Variants in LYPD6 observed in about 807,000 individuals in gnomAD.
The protein encoded by LYPD6 is ly6/PLAUR domain-containing protein 6.
A neutral mutation model predicts 22.7 loss-of-function variants in LYPD6; 15 were observed. The ratio of observed to expected loss-of-function variants is 0.66; its 90% confidence interval spans 0.44 to 1.02. LYPD6 has a LOEUF of 1.02. Among genes scored for constraint, LYPD6 ranks in the 50% least tolerant of loss-of-function variants. LYPD6 has a pLI of 0.00. For missense variants in LYPD6, 189 were observed against 208.4 expected (o/e 0.91, Z 0.57); for synonymous variants, 72 against 77.5 (o/e 0.93, Z 0.37).
intron 2 of LYPD6, 60 bp from the exon 3 acceptor site, chr2:149,448,989 C>G: frequency 5.5e-6 from 7 of 1,277,700 alleles, no homozygotes; most frequent in Non-Finnish European, 7.7e-6. Context: ...AATGTCTTAA[C>G]TTCACAGGAT....
chr2:149,399,048 C>T (rs6738416), intron 1 of LYPD6, among the ~76,000 whole-genome samples: 29,624 of 151,540 alleles, frequency 0.2, 2,906 homozygotes, highest in Middle Eastern at 0.22. Context: ...AATGATATAT[C>T]ATGTATATAT....
At chr2:149,405,412 G>T (rs1011147921) in intron 1 of LYPD6, among the ~76,000 whole-genome samples, 3 of 152,234 alleles carry the variant, frequency 2.0e-5, no homozygotes, top group South Asian at 2.1e-4. Context: ...CAATTTCAGA[G>T]CCTGTTATTG....
intron 1 of LYPD6, among the ~76,000 whole-genome samples, chr2:149,428,409 T>C (rs1405480495): frequency 2.0e-5 from 3 of 152,098 alleles, no homozygotes; most frequent in Non-Finnish European, 2.9e-5. Context: ...TTGAACACAG[T>C]TGGGGCTTTT....
chr2:149,366,769 C>CTAA (rs1681677674), intron 1 of LYPD6, among the ~76,000 whole-genome samples: 1 of 152,136 alleles, frequency 6.6e-6, no homozygotes, highest in African/African-American at 2.4e-5. Context: ...ACCATGAATG[C>CTAA]TAACACACAT....
At chr2:149,403,916 G>A (rs1682626176) in intron 1 of LYPD6, among the ~76,000 whole-genome samples, 1 of 152,158 alleles carries the variant, frequency 6.6e-6, no homozygotes, top group African/African-American at 2.4e-5. Context: ...TGTATAAAGT[G>A]TAAGGAAGGG....
chr2:149,352,921 TAAAAG>T (rs750876790), intron 1 of LYPD6, among the ~76,000 whole-genome samples: 2 of 152,196 alleles, frequency 1.3e-5, no homozygotes, highest in Non-Finnish European at 2.9e-5. Context: ...GGTTGGGCCT[TAAAAG>T]AAAACGCTTG....
intron 1 of LYPD6, among the ~76,000 whole-genome samples, chr2:149,421,259 G>T (rs548488309): frequency 2.0e-5 from 3 of 151,840 alleles, no homozygotes; most frequent in Admixed American, 2.0e-4. Context: ...GCCTGGTGGC[G>T]CATGCCTGTA....
In LYPD6 at chr2:149,335,802, A is replaced by G. The variant is rs115396968; in HGVS notation, c.-72+5080A>G. Among the ~76,000 whole-genome samples, 890 of 152,204 alleles carry G rather than the reference A, an allele frequency of 5.8e-3. 14 individuals are homozygous for G. Among genetic ancestry groups the G allele is most frequent in the African/African-American group, 0.02 (824 of 41,508 alleles). On this transcript the variant is annotated intron_variant, in intron 1 of 4. Transcript: ENST00000334166. ...ATGTTTAGATACACACATACTTACT[A>G]TTGTGTTACAGTTGCCTGTAGTATT...
chr2:149,362,542 C>A (rs976595651), intron 1 of LYPD6, among the ~76,000 whole-genome samples: 3 of 152,126 alleles, frequency 2.0e-5, no homozygotes, highest in Non-Finnish European at 4.4e-5. Flanking sequence ...TGTGCTGCTA[C>A]AACAGAATGG....
At chr2:149,439,585 C>T (rs1374474998) in intron 2 of LYPD6, among the ~76,000 whole-genome samples, 1 of 152,176 alleles carries the variant, frequency 6.6e-6, no homozygotes, top group Non-Finnish European at 1.5e-5. Context: ...ATTGTACACA[C>T]AGAGTGGGAA....
chr2:149,448,912 CAT>C, intron 2 of LYPD6, 135 bp from the exon 3 acceptor site: 1 of 625,940 alleles, frequency 1.6e-6, no homozygotes, highest in Non-Finnish European at 2.8e-6. Flanking sequence ...GTTGCTGGGT[CAT>C]ATGGTAGTTG....
At chr2:149,447,857 T>G (rs1466475812) in intron 2 of LYPD6, among the ~76,000 whole-genome samples, 4 of 152,324 alleles carry the variant, frequency 2.6e-5, no homozygotes, top group African/African-American at 9.6e-5. Context: ...TACATGATGC[T>G]GAGTGTGGTA....
intron 1 of LYPD6, among the ~76,000 whole-genome samples, chr2:149,377,487 A>G (rs1681951110): frequency 6.6e-6 from 1 of 152,208 alleles, no homozygotes; most frequent in South Asian, 2.1e-4. Context: ...TGTGAGCATA[A>G]AAAAGCAAAG....
intron 1 of LYPD6, among the ~76,000 whole-genome samples, chr2:149,336,839 A>G (rs1351799710): frequency 2.0e-5 from 3 of 151,902 alleles, no homozygotes; most frequent in Non-Finnish European, 2.9e-5. Flanking sequence ...TATTATTTCT[A>G]TGTCTTCTGA....
At chr2:149,353,130 A>G (rs187877582) in intron 1 of LYPD6, among the ~76,000 whole-genome samples, 1 of 152,342 alleles carries the variant, frequency 6.6e-6, no homozygotes, top group African/African-American at 2.4e-5. Flanking sequence ...TGGTAAAGTA[A>G]GCACAAATTC....
chr2:149,356,471 A>G (rs1280068765), intron 1 of LYPD6, among the ~76,000 whole-genome samples: 1 of 152,170 alleles, frequency 6.6e-6, no homozygotes, highest in East Asian at 1.9e-4. Context: ...CTTCCCAAGT[A>G]TGGCTACTGG....
chr2:149,435,052 C>G (rs974475826), intron 1 of LYPD6, among the ~76,000 whole-genome samples: 39 of 152,266 alleles, frequency 2.6e-4, no homozygotes, highest in African/African-American at 9.1e-4. Context: ...GTAATTAAGG[C>G]TGAGGCCATA....
chr2:149,379,036 G>A (rs926929959), intron 1 of LYPD6, among the ~76,000 whole-genome samples: 1 of 152,202 alleles, frequency 6.6e-6, no homozygotes, highest in African/African-American at 2.4e-5. Context: ...GCTATTTGAA[G>A]AAGTTATGAA....
chr2:149,336,010 C>T (rs1008181181), intron 1 of LYPD6, among the ~76,000 whole-genome samples: 1 of 152,178 alleles, frequency 6.6e-6, no homozygotes, highest in Non-Finnish European at 1.5e-5. Context: ...TGATACATGA[C>T]TATATGTTTG....
Sources: allele counts gnomAD v4.1 joint callset (sites outside exome capture counted in the v4.1 genomes callset), GRCh38; gene constraint gnomAD v4.1.1; transcripts MANE v1.5; gene names NCBI Gene and HGNC (gene_info 2026-07-23, HGNC 2026-07-21).